KCNIP1: variants seen among roughly 807,000 people sequenced by gnomAD.
KCNIP1 encodes A-type potassium channel modulatory protein KCNIP1.
Under a neutral mutation model 33.0 loss-of-function variants are expected in KCNIP1, and 18 were observed. The ratio of observed to expected loss-of-function variants is 0.55; its 90% CI spans 0.38 to 0.81. The LOEUF (loss-of-function observed/expected upper bound fraction) is 0.81. Ranked by LOEUF, KCNIP1 falls within the 30% of genes least tolerant of loss-of-function variation. The probability of loss-of-function intolerance (pLI) is 0.00; values close to 1 mark genes in which losing one functional copy is unlikely to be tolerated. For missense variants in KCNIP1, 238 were observed against 271.6 expected (o/e 0.88, Z 0.87); for synonymous variants, 93 against 98.3 (o/e 0.95, Z 0.32).
intron 1 of KCNIP1, among the ~76,000 whole-genome samples, chr5:170,682,784 C>CTTTTTTTTTTTTTGTTTTTTTTT (rs1762397468): frequency 1.4e-5 from 1 of 71,404 alleles, no homozygotes; most frequent in Non-Finnish European, 2.4e-5. Context: ...TTCTTTGTTT[C>CTTTTTTTTTTTTTGTTTTTTTTT]TTTTTTTTTT....
chr5:170,373,596 T>G (rs1013202163), intron 1 of KCNIP1, among the ~76,000 whole-genome samples: 1 of 152,018 alleles, frequency 6.6e-6, no homozygotes, highest in African/African-American at 2.4e-5. Context: ...AAATAACATA[T>G]TTTTTTGAAA....
chr5:170,585,817 C>T (rs1037306680), intron 1 of KCNIP1, among the ~76,000 whole-genome samples: 4 of 152,212 alleles, frequency 2.6e-5, no homozygotes, highest in African/African-American at 4.8e-5. Flanking sequence ...GCCACCTTCA[C>T]TCCTTTCACC....
chr5:170,691,780 C>T (rs938971819), intron 1 of KCNIP1, among the ~76,000 whole-genome samples: 11 of 152,076 alleles, frequency 7.2e-5, no homozygotes, highest in Non-Finnish European at 1.6e-4. Flanking sequence ...GTCCCCTGAG[C>T]GTTCCTCCTC....
chr5:170,516,694 G>A (rs1184283769), intron 1 of KCNIP1, among the ~76,000 whole-genome samples: 1 of 152,196 alleles, frequency 6.6e-6, no homozygotes, highest in Non-Finnish European at 1.5e-5. Context: ...ATGGTGTGTT[G>A]GGTGAAATAG....
At chr5:170,566,400 C>T (rs1285219840) in intron 1 of KCNIP1, among the ~76,000 whole-genome samples, 2 of 152,114 alleles carry the variant, frequency 1.3e-5, no homozygotes, top group Non-Finnish European at 2.9e-5. Context: ...GCCAACTATC[C>T]GTATTATTAT....
chr5:170,510,548 A>G (rs368777897), intron 1 of KCNIP1, among the ~76,000 whole-genome samples: 8 of 152,200 alleles, frequency 5.3e-5, no homozygotes, highest in Admixed American at 3.9e-4. Context: ...TTTAGAAAAG[A>G]GAGAGAGAGC....
At chr5:170,661,404 A>G (rs1278431103) in intron 1 of KCNIP1, among the ~76,000 whole-genome samples, 2 of 152,200 alleles carry the variant, frequency 1.3e-5, no homozygotes, top group Non-Finnish European at 2.9e-5. Flanking sequence ...ATGGCCTGTA[A>G]AATGAGGGGG....
At chr5:170,667,489 G>A (rs1454939435) in intron 1 of KCNIP1, among the ~76,000 whole-genome samples, 8 of 152,204 alleles carry the variant, frequency 5.3e-5, no homozygotes, top group Non-Finnish European at 1.2e-4. Context: ...AATTCATCCG[G>A]TCCTTCTTGA....
At chr5:170,677,640 G>C (rs1762195083) in intron 1 of KCNIP1, among the ~76,000 whole-genome samples, 1 of 152,242 alleles carries the variant, frequency 6.6e-6, no homozygotes, top group African/African-American at 2.4e-5. Flanking sequence ...TTGTCAAGAT[G>C]CAAGGACCTA....
At chr5:170,710,924 G>C (rs1434466562) in intron 1 of KCNIP1, among the ~76,000 whole-genome samples, 1 of 152,192 alleles carries the variant, frequency 6.6e-6, no homozygotes. Context: ...TCTTAAACAT[G>C]TCAACACTGT....
intron 1 of KCNIP1, chr5:170,680,622 G>T (rs1276110051): frequency 1.3e-5 from 2 of 152,486 alleles, no homozygotes; most frequent in East Asian, 3.8e-4. Flanking sequence ...AAGACAAATT[G>T]TTGTCCCTTT....
intron 1 of KCNIP1, among the ~76,000 whole-genome samples, chr5:170,526,759 G>C (rs945182008): frequency 1.6e-5 from 2 of 124,216 alleles, no homozygotes; most frequent in Admixed American, 2.0e-4. Flanking sequence ...ATCGCGCTCT[G>C]TTGCCCAGGC....
exon 1 of KCNIP1, chr5:170,353,909 G>C: frequency 6.2e-7 from 1 of 1,614,214 alleles, no homozygotes; most frequent in East Asian, 2.2e-5. Context: ...GCAAGCTTGG[G>C]TTCGTGAAAT....
chr5:170,583,308 A>G (rs944600920), intron 1 of KCNIP1, among the ~76,000 whole-genome samples: 4 of 152,312 alleles, frequency 2.6e-5, no homozygotes, highest in African/African-American at 9.6e-5. Context: ...CAAGTACATG[A>G]TATACCTCTA....
At chr5:170,664,950 T>G (rs1467097399) in intron 1 of KCNIP1, among the ~76,000 whole-genome samples, 1 of 152,154 alleles carries the variant, frequency 6.6e-6, no homozygotes, top group Admixed American at 6.5e-5. Flanking sequence ...TCTCACTCAG[T>G]GAAAGCCTCT....
At chr5:170,379,398 TG>T in intron 1 of KCNIP1, among the ~76,000 whole-genome samples, 1 of 152,304 alleles carries the variant, frequency 6.6e-6, no homozygotes, top group Non-Finnish European at 1.5e-5. Flanking sequence ...ACAGGCCAAG[TG>T]GGCTGTGTAT....
Position 170,732,864 on chromosome 5 carries a change from A to G in KCNIP1, c.500A>G (p.Lys167Arg). The change falls in exon 6 of 8, where the codon AAA becomes AGA. Residue 167 changes from lysine (K) to arginine (R), a missense_variant. Physicochemically the swap from Lys to Arg is conservative, Grantham distance 26. Coordinates refer to ENST00000328939, the MANE Select transcript of KCNIP1 (RefSeq NM_014592.4). ...GGGAAATACACATATCCTGTGCTCA[A>G]AGAGGACACTCCAAGGCAGCATGTG... ...MMGKYTYPVLKEDTPRQHVDV... is the reference protein window; with the variant it reads ...MMGKYTYPVLREDTPRQHVDV... 6.2e-7 allele frequency: 1 copy of G among 1,613,812 alleles called. No individual in the cohort carries two copies. The highest frequency in any genetic ancestry group is 8.5e-7 in the Non-Finnish European group (1 of 1,179,762).
chr5:170,558,110 C>G (rs555773591), intron 1 of KCNIP1, among the ~76,000 whole-genome samples: 1 of 152,268 alleles, frequency 6.6e-6, no homozygotes, highest in Non-Finnish European at 1.5e-5. Context: ...AGCTCCCTTC[C>G]TTCCCTGAGT....
intron 1 of KCNIP1, among the ~76,000 whole-genome samples, chr5:170,498,895 C>T (rs73313421): frequency 0.058 from 8,831 of 152,130 alleles, 829 homozygotes; most frequent in African/African-American, 0.2. Context: ...GGACATGGGA[C>T]TGGGTTCATA....
Sources: gnomAD v4.1 joint callset for allele counts (sites outside exome capture counted in the v4.1 genomes callset) on GRCh38, gnomAD v4.1.1 for gene constraint, MANE v1.5 for transcripts, NCBI Gene and HGNC (gene_info 2026-07-23, HGNC 2026-07-21) for gene names.